Variants in SYNDIG1L observed in about 807,000 individuals in gnomAD.
SYNDIG1L encodes synapse differentiation inducing 1 like.
SYNDIG1L carries 13 observed loss-of-function variants against 20.1 expected under a neutral mutation model. The observed-to-expected ratio is 0.65, with a 90% confidence interval of 0.42 to 1.03. SYNDIG1L has a LOEUF of 1.03. SYNDIG1L is among the 50% of genes least tolerant of loss of function. The pLI, the probability that SYNDIG1L is intolerant of heterozygous loss-of-function variation, is 0.00. For synonymous variants in SYNDIG1L, 128 were observed against 129.3 expected (o/e 0.99, Z 0.07); for missense variants, 294 against 305.1 (o/e 0.96, Z 0.27).
chr14:74,411,124 TG>T (rs2086127597), intron 1 of SYNDIG1L, among the ~76,000 whole-genome samples: 1 of 152,208 alleles, frequency 6.6e-6, no homozygotes, highest in Non-Finnish European at 1.5e-5. Flanking sequence ...TGGAGGGTGA[TG>T]GGGCTGTGTC....
At chr14:74,450,080 C>A in the SYNDIG1L span, among the ~76,000 whole-genome samples, 2 of 152,052 alleles carry the variant, frequency 1.3e-5, no homozygotes, top group Non-Finnish European at 2.9e-5. Flanking sequence ...TAAAGAAATA[C>A]TCTGAATAAT....
chr14:74,441,658 G>T, the SYNDIG1L span, among the ~76,000 whole-genome samples: 1 of 151,908 alleles, frequency 6.6e-6, no homozygotes, highest in Non-Finnish European at 1.5e-5. Context: ...GGTGAGTGCC[G>T]CCATGCTTGG....
chr14:74,431,622 T>C, the SYNDIG1L span, among the ~76,000 whole-genome samples: 3 of 152,172 alleles, frequency 2.0e-5, no homozygotes, highest in Non-Finnish European at 4.4e-5. Context: ...AAGCCGGGTC[T>C]GTGTGATGCC....
intron 1 of SYNDIG1L, among the ~76,000 whole-genome samples, chr14:74,425,081 G>C (rs750696261): frequency 3.3e-5 from 5 of 152,142 alleles, no homozygotes; most frequent in African/African-American, 1.2e-4. Flanking sequence ...CTTCCTCCAC[G>C]CAGTTTTATT....
At chr14:74,444,664 T>A in the SYNDIG1L span, among the ~76,000 whole-genome samples, 1 of 151,882 alleles carries the variant, frequency 6.6e-6, no homozygotes, top group African/African-American at 2.4e-5. Context: ...GGTGGGAGGA[T>A]CACTGGAGCC....
At chr14:74,480,125 C>T in the SYNDIG1L span, 9 of 1,570,228 alleles carry the variant, frequency 5.7e-6, no homozygotes, top group Non-Finnish European at 7.8e-6. Flanking sequence ...CCACCCGGAG[C>T]TCAGTTTCTG....
the SYNDIG1L span, chr14:74,476,536 A>G: frequency 6.5e-7 from 1 of 1,535,680 alleles, no homozygotes; most frequent in Non-Finnish European, 8.7e-7. Context: ...GCAACTGCAA[A>G]CACCTGTGCT....
the SYNDIG1L span, among the ~76,000 whole-genome samples, chr14:74,445,536 G>A: frequency 2.0e-5 from 3 of 151,888 alleles, no homozygotes; most frequent in Admixed American, 6.6e-5. Context: ...GTGCAGTGGC[G>A]CAATCTTGGC....
the SYNDIG1L span, among the ~76,000 whole-genome samples, chr14:74,434,371 T>C: frequency 1.3e-5 from 2 of 151,950 alleles, no homozygotes; most frequent in East Asian, 1.9e-4. Context: ...CCTCTACCCC[T>C]GGCCTGCCTC....
At chr14:74,445,320 A>G in the SYNDIG1L span, among the ~76,000 whole-genome samples, 1 of 152,174 alleles carries the variant, frequency 6.6e-6, no homozygotes, top group Non-Finnish European at 1.5e-5. Flanking sequence ...TTTAAAATAT[A>G]TATATAAATT....
At position 74,406,294 on chromosome 14, in the gene SYNDIG1L, C is replaced by T; in HGVS notation, c.*1241G>A. ...CCCCTAGCATTCAGAGATGGGAAAA[C>T]ATCATTGGTCTTTGAGAGACAGGTG... On this transcript the variant is annotated 3_prime_UTR_variant, in exon 4 of 4. Transcript: ENST00000331628. 2.6e-6 allele frequency: 1 copy of T among 390,606 alleles called. No individual in the cohort carries two copies. Among genetic ancestry groups the T allele is most frequent in the Non-Finnish European group, 4.5e-6 (1 of 221,638 alleles). The allele number at this position is 390,606 out of a possible 1,614,324, so 24.2% of individuals were successfully genotyped here. A position where few individuals can be genotyped will look rare whatever the true frequency, so the allele number is the denominator to read the frequency against.
upstream of SYNDIG1L, among the ~76,000 whole-genome samples, chr14:74,426,739 C>T (rs1595201307): frequency 6.8e-6 from 1 of 147,444 alleles, no homozygotes; most frequent in South Asian, 2.2e-4. Context: ...CCCTGTCCCC[C>T]TTCCCCCTCC....
the SYNDIG1L span, among the ~76,000 whole-genome samples, chr14:74,433,789 T>G: frequency 6.6e-6 from 1 of 152,186 alleles, no homozygotes; most frequent in Non-Finnish European, 1.5e-5. Context: ...TTATGGCTTG[T>G]AAGGACAGAG....
Position 74,420,072 on chromosome 14 carries a change from C to T in SYNDIG1L, c.-58+5840G>A, listed in dbSNP as rs541193604. Among the ~76,000 whole-genome samples, 6 of 152,046 alleles carry T rather than the reference C, an allele frequency of 3.9e-5. No individual in the cohort carries two copies. In the South Asian group the frequency reaches 1.3e-3, roughly 32 times the overall value. ...GATTTAAGGTGGGTGAGAATGGAGG[C>T]TAGGAGTCCTGTTAAGAAACTATTG... On this transcript the variant is annotated intron_variant, in intron 1 of 3. Coordinates refer to ENST00000331628, the MANE Select transcript of SYNDIG1L (RefSeq NM_001105579.2).
chr14:74,407,694 C>G lies in SYNDIG1L; in HGVS notation c.559-1G>C, dbSNP rs1354342815. ...CCCCTTTGGAGATGGCCTTGCTGGT[C>G]TAGGGAGAGAGACATGCTGATGAAC... On this transcript the variant is annotated splice_acceptor_variant, in intron 3 of 3. Coordinates refer to ENST00000331628, the MANE Select transcript of SYNDIG1L (RefSeq NM_001105579.2). LOFTEE classifies it high-confidence loss of function. 6.2e-7 allele frequency: 1 copy of G among 1,600,710 alleles called. No homozygotes were observed. Among genetic ancestry groups the G allele is most frequent in the African/African-American group, 1.3e-5 (1 of 74,768 alleles).
chr14:74,406,020 T>C lies in SYNDIG1L; in HGVS notation c.*1515A>G. 1 of 398,860 alleles carries C rather than the reference T, an allele frequency of 2.5e-6. No individual in the cohort carries two copies. Among genetic ancestry groups the C allele is most frequent in the Non-Finnish European group, 4.4e-6 (1 of 226,266 alleles). The allele number at this position is 398,860 out of a possible 1,614,324, so 24.7% of individuals were successfully genotyped here. The stretch of plus-strand genomic sequence containing the variant: ...CAGGGGAGGACAGTGGGACAAGGGA[T>C]GCTCAGTGGTGGAGCCACAGCCCTG... On this transcript the variant is annotated 3_prime_UTR_variant, in exon 4 of 4. Coordinates refer to ENST00000331628, the MANE Select transcript of SYNDIG1L (RefSeq NM_001105579.2).
the SYNDIG1L span, among the ~76,000 whole-genome samples, chr14:74,465,786 A>C: frequency 1.3e-5 from 2 of 152,194 alleles, no homozygotes; most frequent in African/African-American, 4.8e-5. Context: ...GAACATCAGC[A>C]TGAGGGCTGA....
the SYNDIG1L span, among the ~76,000 whole-genome samples, chr14:74,432,182 A>AG: frequency 9.7e-5 from 7 of 72,030 alleles, no homozygotes; most frequent in Non-Finnish European, 2.1e-4. Context: ...TGTGTGTGTG[A>AG]GAGAGAGAGA....
intron 1 of SYNDIG1L, among the ~76,000 whole-genome samples, chr14:74,423,038 C>G (rs542377525): frequency 5.3e-5 from 8 of 152,248 alleles, no homozygotes; most frequent in East Asian, 1.9e-4. Context: ...TATTCTTCCT[C>G]TTTCTCAGCA....
Sources: gnomAD v4.1 joint callset for allele counts (sites outside exome capture counted in the v4.1 genomes callset) on GRCh38, gnomAD v4.1.1 for gene constraint, MANE v1.5 for transcripts, NCBI Gene and HGNC (gene_info 2026-07-23, HGNC 2026-07-21) for gene names.